The following APP variants were observed in gnomAD, a reference collection of about 807,000 sequenced individuals.
The protein encoded by APP is amyloid-beta precursor protein.
Under a neutral mutation model 101.4 loss-of-function variants are expected in APP, and 31 were observed. The ratio of observed to expected loss-of-function variants is 0.31; its 90% confidence interval spans 0.23 to 0.41. The LOEUF (loss-of-function observed/expected upper bound fraction) is 0.41, where lower values mean the gene tolerates loss of function less well. APP is among the 10% of genes least tolerant of loss of function. The pLI is 1.00. For synonymous variants in APP, 366 were observed against 364.4 expected, an observed-to-expected ratio of 1.00 and a Z score of -0.05; for missense variants, 839 against 1,003.7, an observed-to-expected ratio of 0.84 and a Z score of 2.22.
intron 14 of APP, among the ~76,000 whole-genome samples, chr21:25,911,449 T>C (rs533735974): frequency 1.6e-4 from 25 of 152,358 alleles, no homozygotes; most frequent in African/African-American, 6.0e-4. Context: ...CATTACCATT[T>C]TGTTTTGCCA....
Position 25,969,279 on chromosome 21 carries a change from C to T in APP, c.1458+5791G>A, listed in dbSNP as rs375226883. On this transcript the variant is annotated intron_variant, in intron 11 of 17. Coordinates refer to ENST00000346798, the MANE Select transcript of APP (RefSeq NM_000484.4). ...TGGAGAATGGTGTGAACCCAGAAGG[C>T]GGAGCTTGCAGTGAGCCAAGATCAC... Among the ~76,000 whole-genome samples, 8 of 133,208 alleles carry T rather than the reference C, an allele frequency of 6.0e-5. No homozygotes were observed. The East Asian group carries it at 1.4e-3, about 23-fold the overall frequency. The allele number at this position is 133,208 out of a possible 152,430, so 87.4% of individuals were successfully genotyped here.
At chr21:26,092,491 G>C (rs1410781866) in intron 2 of APP, among the ~76,000 whole-genome samples, 1 of 152,170 alleles carries the variant, frequency 6.6e-6, no homozygotes, top group Non-Finnish European at 1.5e-5. Flanking sequence ...AGACTAAAAA[G>C]ATCAGTGGTT....
At chr21:25,984,634 A>G (rs115200652) in intron 8 of APP, among the ~76,000 whole-genome samples, 2,043 of 152,326 alleles carry the variant, frequency 0.013, 43 homozygotes, top group African/African-American at 0.046. Context: ...TGATTAAGTT[A>G]AAAATACTTG....
intron 1 of APP, among the ~76,000 whole-genome samples, chr21:26,154,005 G>A (rs904341087): frequency 2.6e-5 from 4 of 152,248 alleles, no homozygotes; most frequent in Middle Eastern, 3.4e-3. Flanking sequence ...TACAACAAAA[G>A]AACACCAATC....
chr21:25,909,266 C>CAAAAA lies in APP; in HGVS notation c.1909+2470_1909+2474dup, dbSNP rs35504500. Among the ~76,000 whole-genome samples, 113 of 76,196 alleles carry CAAAAA rather than the reference C, an allele frequency of 1.5e-3. No homozygotes were observed. In the Middle Eastern group the frequency reaches 0.019, roughly 13 times the overall value. 50.0% of individuals were successfully genotyped at this position (76,196 alleles called of 152,430 possible). A position where few individuals can be genotyped will look rare whatever the true frequency, so the allele number is the denominator to read the frequency against. ...TGGGCGACAGAGCGAGACTCCGTCT[C>CAAAAA]AAAAAAAAAAAAAAAAAAAAAAATT... On this transcript the variant is annotated intron_variant, in intron 14 of 17. Coordinates refer to ENST00000346798, the MANE Select transcript of APP (RefSeq NM_000484.4).
rs954496552 is a variant in APP at position 25,914,608 on chromosome 21, C to T, written c.1688-2646G>A. Reference sequence around the variant, plus strand: ...TTGCTCTGTCGCCCAGGCTGGAGTGCAGTGGCGCAATCTCGGCTCACTGCA... The same window carrying T: ...TTGCTCTGTCGCCCAGGCTGGAGTGTAGTGGCGCAATCTCGGCTCACTGCA... On this transcript the variant is annotated intron_variant, in intron 13 of 17. Coordinates refer to ENST00000346798, the MANE Select transcript of APP (RefSeq NM_000484.4). Among the ~76,000 whole-genome samples, 5 of 137,294 alleles carry T rather than the reference C, an allele frequency of 3.6e-5. No homozygotes were observed. The East Asian group carries it at 1.1e-3, about 29-fold the overall frequency. 90.1% of individuals were successfully genotyped at this position (137,294 alleles called of 152,430 possible).
chr21:26,014,530 G>A (rs371559279), intron 6 of APP, among the ~76,000 whole-genome samples: 1 of 151,978 alleles, frequency 6.6e-6, no homozygotes, highest in Non-Finnish European at 1.5e-5. Context: ...CTTTTGTTCC[G>A]GGCTGAGCAC....
intron 3 of APP, among the ~76,000 whole-genome samples, chr21:26,081,823 C>T (rs528764302): frequency 7.6e-4 from 116 of 152,170 alleles, no homozygotes; most frequent in Non-Finnish European, 1.1e-3. Flanking sequence ...TGTTCTCTAG[C>T]AGATTCTACA....
chr21:25,914,138 G>C (rs2146327775), intron 13 of APP, among the ~76,000 whole-genome samples: 1 of 152,030 alleles, frequency 6.6e-6, no homozygotes, highest in East Asian at 1.9e-4. Context: ...GAATCCTTCA[G>C]AGCCATCCAG....
intron 1 of APP, among the ~76,000 whole-genome samples, chr21:26,162,267 TA>T (rs2146381449): frequency 6.6e-6 from 1 of 152,314 alleles, no homozygotes; most frequent in African/African-American, 2.4e-5. Flanking sequence ...AGGCCACGGC[TA>T]CAGATCACAC....
At chr21:25,969,435 T>C (rs1601064385) in intron 11 of APP, among the ~76,000 whole-genome samples, 1 of 148,136 alleles carries the variant, frequency 6.8e-6, no homozygotes, top group Non-Finnish European at 1.5e-5. Context: ...GGTCAAGCCA[T>C]ACAACATTAA....
chr21:25,943,589 CAG>C (rs544259940), intron 13 of APP, among the ~76,000 whole-genome samples: 1,568 of 152,090 alleles, frequency 0.01, 9 homozygotes, highest in Non-Finnish European at 0.016. Context: ...GCTGGGATTA[CAG>C]GCATGTGCCA....
At chr21:26,059,762 A>C (rs2046192040) in intron 3 of APP, among the ~76,000 whole-genome samples, 1 of 152,016 alleles carries the variant, frequency 6.6e-6, no homozygotes, top group African/African-American at 2.4e-5. Context: ...GTGGTGGTGC[A>C]TGCCTGTAAT....
At chr21:25,897,530 G>A in intron 16 of APP, 43 bp downstream of exon 16, 1 of 1,450,514 alleles carries the variant, frequency 6.9e-7, no homozygotes, top group South Asian at 1.1e-5. Flanking sequence ...AGGTCATTTG[G>A]CAAGACAAAC....
intron 8 of APP, among the ~76,000 whole-genome samples, chr21:25,989,735 T>C (rs7277433): frequency 0.032 from 4,855 of 152,196 alleles, 265 homozygotes; most frequent in African/African-American, 0.11. Context: ...TCATTGAAAA[T>C]GCTATTTGAT....
intron 3 of APP, chr21:26,068,359 T>TTC (rs2046541176): frequency 2.2e-5 from 3 of 133,784 alleles, no homozygotes; most frequent in African/African-American, 8.0e-5. Flanking sequence ...CTCTGCCACA[T>TTC]TCTCTTTTTT....
chr21:25,979,166 C>T (rs866518844), intron 9 of APP, among the ~76,000 whole-genome samples: 8 of 152,164 alleles, frequency 5.3e-5, no homozygotes, highest in Non-Finnish European at 7.3e-5. Flanking sequence ...TAGAGTTATA[C>T]TCCACAATGG....
chr21:25,924,434 A>G (rs1458494671), intron 13 of APP, among the ~76,000 whole-genome samples: 1 of 123,740 alleles, frequency 8.1e-6, no homozygotes, highest in African/African-American at 2.9e-5. Context: ...AAAAGGAAAA[A>G]AAAAAAGGTT....
intron 15 of APP, among the ~76,000 whole-genome samples, chr21:25,899,081 A>G (rs1021508810): frequency 6.6e-6 from 1 of 152,182 alleles, no homozygotes; most frequent in Non-Finnish European, 1.5e-5. Context: ...TTGATAACCT[A>G]TTTGAAAAGA....
Sources: gnomAD v4.1 joint callset for allele counts (sites outside exome capture counted in the v4.1 genomes callset) on GRCh38, gnomAD v4.1.1 for gene constraint, MANE v1.5 for transcripts, NCBI Gene and HGNC (gene_info 2026-07-23, HGNC 2026-07-21) for gene names.